RNPEP: variants seen among roughly 807,000 people sequenced by gnomAD.
RNPEP encodes arginyl aminopeptidase.
RNPEP carries 57 observed loss-of-function variants against 70.1 expected under a neutral mutation model. The observed-to-expected ratio is 0.81, with a 90% CI of 0.66 to 1.01. The LOEUF (loss-of-function observed/expected upper bound fraction) is 1.01. Among genes scored for constraint, RNPEP ranks in the 50% least tolerant of loss-of-function variants. The pLI is 0.00. For synonymous variants in RNPEP, 335 were observed against 357.4 expected, an observed-to-expected ratio of 0.94 and a Z score of 0.71; for missense variants, 787 against 852.4, an observed-to-expected ratio of 0.92 and a Z score of 0.96.
In RNPEP at chr1:202,003,415, G is replaced by C; in HGVS notation, c.1605G>C (p.Leu535=). 2 of 1,614,078 alleles carry C rather than the reference G, an allele frequency of 1.2e-6. No homozygotes were observed. Among genetic ancestry groups the C allele is most frequent in the South Asian group, 2.2e-5 (2 of 91,060 alleles). ...VAISPWKTYQ[L]VYFLDKILQK... is the part of the protein sequence containing the mutation. ...TCTCTCCCTGGAAGACCTACCAGCT[G>C]GTCTACTTCCTGGATAAGATCCTCC... Residue 535 remains leucine (L), a synonymous_variant, in exon 9 of 11, where the codon CTG becomes CTC. Transcript: ENST00000295640.
At chr1:201,985,988 C>T (rs1018846385) in intron 1 of RNPEP, among the ~76,000 whole-genome samples, 1 of 152,170 alleles carries the variant, frequency 6.6e-6, no homozygotes, top group East Asian at 1.9e-4. Flanking sequence ...CAGTGAGTGG[C>T]ACAATCATGG....
In RNPEP at chr1:201,989,466, G is replaced by A. The variant is rs1683244698; in HGVS notation, c.672G>A (p.Gln224=). The part of the protein sequence containing the change: ...GPNKFFFQMC[Q]PIPSYLIALA... ...ATAAGTTCTTCTTCCAGATGTGTCA[G>A]CCCATCCCCTCCTATCTGATAGCTT... The change falls in exon 3 of 11, where the codon CAG becomes CAA. Residue 224 remains glutamine (Q), a synonymous_variant. Transcript: ENST00000295640. 6.2e-7 allele frequency: 1 copy of A among 1,614,190 alleles called. No homozygotes were observed. The highest frequency in any genetic ancestry group is 8.5e-7 in the Non-Finnish European group (1 of 1,180,022).
chr1:201,989,981 A>C (rs1324119872), intron 3 of RNPEP, among the ~76,000 whole-genome samples: 3 of 151,976 alleles, frequency 2.0e-5, no homozygotes, highest in Admixed American at 1.3e-4. Flanking sequence ...AGTAACTGGG[A>C]CTGCAGGCAT....
chr1:201,994,386 C>T (rs1440633162), intron 3 of RNPEP, among the ~76,000 whole-genome samples: 1 of 152,174 alleles, frequency 6.6e-6, no homozygotes, highest in African/African-American at 2.4e-5. Context: ...ACCTGAGGCT[C>T]TTCATGACCC....
chr1:201,989,808 A>G (rs1558260958), intron 3 of RNPEP, among the ~76,000 whole-genome samples: 1 of 150,930 alleles, frequency 6.6e-6, no homozygotes, highest in Non-Finnish European at 1.5e-5. Flanking sequence ...TTACAGAGGG[A>G]TGTTGGAATT....
At chr1:202,001,633 G>GT in intron 7 of RNPEP, 26 bp from the exon 8 acceptor site, 1 of 1,560,604 alleles carries the variant, frequency 6.4e-7, no homozygotes, top group Non-Finnish European at 8.8e-7. Context: ...GCCAGAGAGG[G>GT]TCTAAAGAGC....
chr1:201,994,833 ATTTTTTTTT>A (rs34077790), intron 3 of RNPEP, among the ~76,000 whole-genome samples: 2 of 85,210 alleles, frequency 2.3e-5, no homozygotes, highest in South Asian at 9.5e-4. Flanking sequence ...TGTCCTGCTA[ATTTTTTTTT>A]TTTTTTTTTT....
intron 3 of RNPEP, among the ~76,000 whole-genome samples, chr1:201,994,833 ATTT>A (rs34077790): frequency 2.1e-4 from 18 of 85,208 alleles, no homozygotes; most frequent in African/African-American, 4.7e-4. Flanking sequence ...TGTCCTGCTA[ATTT>A]TTTTTTTTTT....
intron 3 of RNPEP, among the ~76,000 whole-genome samples, chr1:201,993,309 A>G (rs773792704): frequency 3.6e-4 from 54 of 151,958 alleles, no homozygotes; most frequent in Non-Finnish European, 6.9e-4. Context: ...CAAAAAACAA[A>G]CTCAAGGCTG....
chr1:202,005,420 G>A (rs2102987153), intron 10 of RNPEP, 138 bp from the exon 11 acceptor site: 2 of 916,348 alleles, frequency 2.2e-6, no homozygotes, highest in South Asian at 1.7e-5. Flanking sequence ...CTGATGAGAA[G>A]CTCCTCATTC....
chr1:201,986,382 A>G (rs1203694033), intron 1 of RNPEP, among the ~76,000 whole-genome samples: 4 of 152,124 alleles, frequency 2.6e-5, no homozygotes, highest in Non-Finnish European at 4.4e-5. Context: ...GGTGTGAGCC[A>G]CTGAGCCCAG....
intron 6 of RNPEP, 64 bp downstream of exon 6, chr1:202,000,079 G>GCGAA: frequency 8.3e-7 from 1 of 1,208,900 alleles, no homozygotes; most frequent in Admixed American, 1.9e-5. Flanking sequence ...CCAAGTTAAT[G>GCGAA]CGAACTTCAT....
At chr1:201,989,125 G>T in intron 2 of RNPEP, 81 bp downstream of exon 2, 1 of 1,511,784 alleles carries the variant, frequency 6.6e-7, no homozygotes, top group South Asian at 1.3e-5. Flanking sequence ...ACGTTTCAGT[G>T]GTAAATTATT....
chr1:201,982,992 GCTT>G lies in RNPEP; in HGVS notation c.329_331del (p.Phe110del). The G allele has an allele frequency of 6.6e-7, 1 of 1,517,464 alleles. No homozygotes were observed. The highest frequency in any genetic ancestry group is 8.8e-7 in the Non-Finnish European group (1 of 1,134,902). The allele number at this position is 1,517,464 out of a possible 1,614,324, so 94.0% of individuals were successfully genotyped here. ...GAGGAGCCGCCTGCGGAGCCCGTGA[GCTT>G]CTACACGCAGCCCTTCTCGCACTAT... On this transcript the variant is annotated inframe_deletion, in exon 1 of 11. Coordinates refer to ENST00000295640, the MANE Select transcript of RNPEP (RefSeq NM_020216.4).
At chr1:201,985,755 CCAGTACCGA>C (rs1683111777) in intron 1 of RNPEP, among the ~76,000 whole-genome samples, 1 of 152,136 alleles carries the variant, frequency 6.6e-6, no homozygotes, top group Non-Finnish European at 1.5e-5. Context: ...AATTAATAAA[CCAGTACCGA>C]TACTGGAGTC....
At chr1:201,993,562 A>T (rs2102970137) in intron 3 of RNPEP, among the ~76,000 whole-genome samples, 1 of 150,748 alleles carries the variant, frequency 6.6e-6, no homozygotes, top group South Asian at 2.1e-4. Context: ...GCACTACTGC[A>T]CTCCAGCCTG....
intron 3 of RNPEP, 119 bp from the exon 4 acceptor site, chr1:201,996,028 G>A (rs982170953): frequency 9.8e-6 from 7 of 716,512 alleles, no homozygotes; most frequent in Non-Finnish European, 1.7e-5. Flanking sequence ...CCGTCACTGT[G>A]GCTGACTGCA....
In RNPEP at chr1:202,001,522, G is replaced by A. The variant is rs376052901; in HGVS notation, c.1317+34G>A. On this transcript the variant is annotated intron_variant, in intron 7 of 10. Transcript: ENST00000295640. Reference sequence around the variant, plus strand: ...ACATGAGGGGAGAAGGAAGAGGAGCGGATAAAGCCACTGGGCCTGATCAAG... The same window carrying A: ...ACATGAGGGGAGAAGGAAGAGGAGCAGATAAAGCCACTGGGCCTGATCAAG... 8.4e-5 allele frequency: 129 copies of A among 1,540,752 alleles called. 1 individual carries two copies. In the East Asian group the frequency reaches 2.0e-3, roughly 24 times the overall value.
At position 201,990,421 on chromosome 1, in the gene RNPEP, A is replaced by ACCT. The variant is rs1355296358; in HGVS notation, c.737+890_737+891insCCT. Among the ~76,000 whole-genome samples, 1,208 of 152,346 alleles carry ACCT rather than the reference A, an allele frequency of 7.9e-3. 14 individuals are homozygous for ACCT. The highest frequency in any genetic ancestry group is 0.028 in the African/African-American group (1,149 of 41,578). On this transcript the variant is annotated intron_variant, in intron 3 of 10. Coordinates refer to ENST00000295640, the MANE Select transcript of RNPEP (RefSeq NM_020216.4). Reference sequence around the variant, plus strand: ...GGATTTTGTAAGGTTTCCTGATAAAAGAGGTTTGACCAGGAGTATAGGTTT... The same window carrying ACCT: ...GGATTTTGTAAGGTTTCCTGATAAAACCTGAGGTTTGACCAGGAGTATAGGTTT...
Sources: allele counts gnomAD v4.1 joint callset (sites outside exome capture counted in the v4.1 genomes callset), GRCh38; gene constraint gnomAD v4.1.1; transcripts MANE v1.5; gene names NCBI Gene and HGNC (gene_info 2026-07-23, HGNC 2026-07-21).